The following TAS2R1 variants were observed in gnomAD, a reference collection of about 807,000 sequenced individuals.
The protein encoded by TAS2R1 is taste 2 receptor member 1.
For missense variants in TAS2R1, 370 were observed against 353.4 expected (o/e 1.05, Z -0.38); for synonymous variants, 141 against 134.2 (o/e 1.05, Z -0.35).
intron 1 of TAS2R1, among the ~76,000 whole-genome samples, chr5:9,685,090 G>T (rs1011275891): frequency 6.6e-6 from 1 of 152,186 alleles, no homozygotes; most frequent in African/African-American, 2.4e-5. Context: ...CCCATGGACT[G>T]TATGTATCTG....
chr5:9,650,536 G>A (rs931598408), intron 2 of TAS2R1, among the ~76,000 whole-genome samples: 10 of 152,176 alleles, frequency 6.6e-5, no homozygotes, highest in Admixed American at 3.3e-4. Flanking sequence ...GTTGGACACA[G>A]CACACCAAGG....
In TAS2R1 at chr5:9,661,941, T is replaced by C. The variant is rs562712538; in HGVS notation, c.-241-2360A>G. Reference sequence around the variant, plus strand: ...CTCCCAGTTCTGTGTATCAGCTGTTTGGAGTGGATTTGGCTAGAGGTTCTT... The same window carrying C: ...CTCCCAGTTCTGTGTATCAGCTGTTCGGAGTGGATTTGGCTAGAGGTTCTT... On this transcript the variant is annotated intron_variant, in intron 1 of 2. Transcript: ENST00000506620. Among the ~76,000 whole-genome samples the C allele has an allele frequency of 2.0e-5, 3 of 152,336 alleles. No homozygotes were observed. In the East Asian group the frequency reaches 5.8e-4, roughly 29 times the overall value.
chr5:9,857,613 A>G, the TAS2R1 span, among the ~76,000 whole-genome samples: 2 of 152,152 alleles, frequency 1.3e-5, no homozygotes, highest in Non-Finnish European at 2.9e-5. Flanking sequence ...ATAAATATTT[A>G]TTTTGAATTC....
chr5:9,752,754 T>C, the TAS2R1 span, among the ~76,000 whole-genome samples: 2 of 150,760 alleles, frequency 1.3e-5, no homozygotes, highest in South Asian at 4.2e-4. Flanking sequence ...TGTGGCCACG[T>C]GTTCTCATTG....
At chr5:9,781,677 C>T in the TAS2R1 span, among the ~76,000 whole-genome samples, 1 of 152,220 alleles carries the variant, frequency 6.6e-6, no homozygotes. Context: ...ACAACAGACA[C>T]ACTCTGCTCC....
the TAS2R1 span, among the ~76,000 whole-genome samples, chr5:9,839,244 G>A: frequency 2.0e-5 from 3 of 152,168 alleles, no homozygotes; most frequent in African/African-American, 7.2e-5. Context: ...AAGCAGCACA[G>A]ACACGGTAAA....
chr5:9,864,703 C>A, the TAS2R1 span, among the ~76,000 whole-genome samples: 1 of 151,610 alleles, frequency 6.6e-6, no homozygotes, highest in Non-Finnish European at 1.5e-5. Context: ...AGTGCTCTAT[C>A]ATCATCCAGT....
chr5:9,783,010 G>T, the TAS2R1 span, among the ~76,000 whole-genome samples: 2 of 152,190 alleles, frequency 1.3e-5, no homozygotes, highest in African/African-American at 4.8e-5. Flanking sequence ...GCAGGCATTT[G>T]TGTGGTTTGC....
At chr5:9,682,829 G>A (rs1741020810) in intron 1 of TAS2R1, among the ~76,000 whole-genome samples, 1 of 152,136 alleles carries the variant, frequency 6.6e-6, no homozygotes, top group Admixed American at 6.5e-5. Flanking sequence ...CAAACTAAAG[G>A]GTGTGGTTAC....
intron 1 of TAS2R1, among the ~76,000 whole-genome samples, chr5:9,680,370 C>T (rs553170699): frequency 6.1e-4 from 92 of 152,008 alleles, no homozygotes; most frequent in Non-Finnish European, 9.3e-4. Context: ...GTTCTACTCC[C>T]GAAAGTGTGA....
chr5:9,784,756 G>C, the TAS2R1 span, among the ~76,000 whole-genome samples: 2 of 152,028 alleles, frequency 1.3e-5, no homozygotes, highest in Non-Finnish European at 2.9e-5. Context: ...CCAATCCTTG[G>C]GTTTCCCTGG....
At chr5:9,795,257 T>A in the TAS2R1 span, among the ~76,000 whole-genome samples, 2 of 152,198 alleles carry the variant, frequency 1.3e-5, no homozygotes, top group African/African-American at 4.8e-5. Flanking sequence ...TGGAGACACA[T>A]GCACCTTACT....
intron 1 of TAS2R1, among the ~76,000 whole-genome samples, chr5:9,678,034 T>C (rs1740910145): frequency 1.3e-5 from 2 of 152,122 alleles, no homozygotes; most frequent in Non-Finnish European, 2.9e-5. Flanking sequence ...AATCTATCCA[T>C]CTGACAAAAG....
the TAS2R1 span, among the ~76,000 whole-genome samples, chr5:9,761,290 T>A: frequency 1.3e-5 from 2 of 152,206 alleles, no homozygotes; most frequent in African/African-American, 4.8e-5. Context: ...ATTTTTTCTT[T>A]TTATTACTTT....
the TAS2R1 span, among the ~76,000 whole-genome samples, chr5:9,723,306 T>C: frequency 6.6e-6 from 1 of 152,218 alleles, no homozygotes; most frequent in Non-Finnish European, 1.5e-5. Flanking sequence ...TTCATTATCG[T>C]GGGCTTCTAG....
chr5:9,633,750 A>G (rs1180389278), upstream of TAS2R1, among the ~76,000 whole-genome samples: 1 of 151,296 alleles, frequency 6.6e-6, no homozygotes, highest in African/African-American at 2.4e-5. Context: ...ATATCTTGAG[A>G]CTTGTCTATT....
At chr5:9,677,384 C>G (rs922568376) in intron 1 of TAS2R1, among the ~76,000 whole-genome samples, 2 of 151,844 alleles carry the variant, frequency 1.3e-5, no homozygotes, top group Non-Finnish European at 2.9e-5. Context: ...AACAACAAAC[C>G]TGTACTTGTA....
At chr5:9,829,356 C>T in the TAS2R1 span, among the ~76,000 whole-genome samples, 1 of 152,066 alleles carries the variant, frequency 6.6e-6, no homozygotes, top group Non-Finnish European at 1.5e-5. Context: ...AGGTGGGAGA[C>T]ACAGAAGGGG....
chr5:9,838,111 G>C, the TAS2R1 span, among the ~76,000 whole-genome samples: 1 of 152,182 alleles, frequency 6.6e-6, no homozygotes, highest in Non-Finnish European at 1.5e-5. Flanking sequence ...TCCAAACCAG[G>C]ATGATGATCA....
Sources: gnomAD v4.1 joint callset for allele counts (sites outside exome capture counted in the v4.1 genomes callset) on GRCh38, gnomAD v4.1.1 for gene constraint, MANE v1.5 for transcripts, NCBI Gene and HGNC (gene_info 2026-07-23, HGNC 2026-07-21) for gene names.